The following TBCK variants were observed in gnomAD, a reference collection of about 807,000 sequenced individuals.
TBCK encodes TBC domain-containing protein kinase-like protein.
TBCK carries 99 observed loss-of-function variants against 113.4 expected under a neutral mutation model. That is an observed-to-expected ratio of 0.87 (90% confidence interval 0.74 to 1.03). TBCK has a LOEUF of 1.03. Ranked by LOEUF, TBCK falls within the 50% of genes least tolerant of loss-of-function variation. The probability of loss-of-function intolerance (pLI) is 0.00; values close to 1 mark genes in which losing one functional copy is unlikely to be tolerated. For synonymous variants in TBCK, 369 were observed against 370.8 expected (o/e 1.00, Z 0.05); for missense variants, 1,045 against 1,061.3 (o/e 0.98, Z 0.21).
chr4:106,242,428 A>G (rs1439900169), intron 12 of TBCK, 42 bp downstream of exon 12: 4 of 1,473,342 alleles, frequency 2.7e-6, no homozygotes, highest in Non-Finnish European at 3.7e-6. Flanking sequence ...TTTTAATTAA[A>G]GAAAAAAACC....
At chr4:106,142,421 T>A (rs916718785) in intron 23 of TBCK, among the ~76,000 whole-genome samples, 1 of 152,206 alleles carries the variant, frequency 6.6e-6, no homozygotes, top group East Asian at 1.9e-4. Context: ...ACAAAGCAGG[T>A]TGACAAACTG....
chr4:106,167,987 A>G (rs931175181), intron 23 of TBCK, among the ~76,000 whole-genome samples: 4 of 151,860 alleles, frequency 2.6e-5, no homozygotes, highest in African/African-American at 9.7e-5. Flanking sequence ...CAAAACGAAT[A>G]TGTCCTAACT....
intron 3 of TBCK, among the ~76,000 whole-genome samples, chr4:106,288,318 T>A (rs1765326894): frequency 6.6e-6 from 1 of 151,716 alleles, no homozygotes; most frequent in Non-Finnish European, 1.5e-5. Flanking sequence ...CACTTGAACC[T>A]GGGAGGTGAA....
chr4:106,117,742 G>A (rs1438124042), intron 23 of TBCK, among the ~76,000 whole-genome samples: 1 of 152,150 alleles, frequency 6.6e-6, no homozygotes, highest in African/African-American at 2.4e-5. Flanking sequence ...GGGCGCGGTG[G>A]CTCACACCTG....
intron 1 of TBCK, among the ~76,000 whole-genome samples, chr4:106,313,442 T>C (rs1768403313): frequency 6.6e-6 from 1 of 152,174 alleles, no homozygotes. Context: ...CTTTTGATTC[T>C]ATATACAGCC....
intron 3 of TBCK, 52 bp downstream of exon 3, chr4:106,295,042 T>G (rs373092561): frequency 6.7e-7 from 1 of 1,488,066 alleles, no homozygotes; most frequent in Admixed American, 2.0e-5. Context: ...AAAATGCCTT[T>G]TTGTTTGCCA....
At chr4:106,313,063 GT>G (rs1262321099) in intron 1 of TBCK, among the ~76,000 whole-genome samples, 2 of 152,110 alleles carry the variant, frequency 1.3e-5, no homozygotes, top group Non-Finnish European at 2.9e-5. Flanking sequence ...AAATCAATGT[GT>G]TTTAATATGT....
intron 23 of TBCK, among the ~76,000 whole-genome samples, chr4:106,134,239 C>G (rs1046281468): frequency 1.3e-5 from 2 of 151,616 alleles, no homozygotes; most frequent in Admixed American, 1.3e-4. Flanking sequence ...TAGAAACATG[C>G]TAATGACCAC....
intron 25 of TBCK, among the ~76,000 whole-genome samples, chr4:106,073,410 G>A (rs887976012): frequency 2.0e-5 from 3 of 152,174 alleles, no homozygotes; most frequent in African/African-American, 7.2e-5. Context: ...CTGTTTGCCT[G>A]GGTATCACCA....
intron 22 of TBCK, among the ~76,000 whole-genome samples, chr4:106,179,612 T>C (rs895333820): frequency 6.6e-6 from 1 of 152,108 alleles, no homozygotes; most frequent in Non-Finnish European, 1.5e-5. Context: ...TAAAAATAAA[T>C]TTGATATAAT....
chr4:106,129,969 C>T (rs1289796241), intron 23 of TBCK, among the ~76,000 whole-genome samples: 1 of 152,196 alleles, frequency 6.6e-6, no homozygotes, highest in African/African-American at 2.4e-5. Flanking sequence ...CACTGTGCTT[C>T]TGAAGACAGT....
At chr4:106,314,471 GA>G (rs945982940) in intron 1 of TBCK, among the ~76,000 whole-genome samples, 10 of 151,956 alleles carry the variant, frequency 6.6e-5, no homozygotes, top group Non-Finnish European at 1.3e-4. Context: ...TCAACAAAAA[GA>G]ATTAACAGTT....
chr4:106,246,694 G>A (rs984589441), intron 10 of TBCK, among the ~76,000 whole-genome samples: 1 of 152,072 alleles, frequency 6.6e-6, no homozygotes, highest in Non-Finnish European at 1.5e-5. Context: ...GAATGCTTCT[G>A]TTAACTTTAA....
chr4:106,056,841 T>C (rs1174891919), intron 25 of TBCK, among the ~76,000 whole-genome samples: 1 of 151,780 alleles, frequency 6.6e-6, no homozygotes, highest in Non-Finnish European at 1.5e-5. Context: ...CAATGTGTAC[T>C]ATTTAAAATT....
chr4:106,225,797 G>C (rs961636037), intron 19 of TBCK, among the ~76,000 whole-genome samples: 2 of 151,832 alleles, frequency 1.3e-5, no homozygotes, highest in Non-Finnish European at 2.9e-5. Context: ...TTCATGTTGT[G>C]TACACTACAG....
At position 106,197,110 on chromosome 4, in the gene TBCK, C is replaced by T. The variant is rs550613464; in HGVS notation, c.1861-2356G>A. 3.9e-5 allele frequency among the ~76,000 whole-genome samples: 6 copies of T among 152,020 alleles called. No individual in the cohort carries two copies. The East Asian group carries it at 7.7e-4, about 20-fold the overall frequency. On this transcript the variant is annotated intron_variant, in intron 20 of 25. Transcript: ENST00000394708. ...ACAAATGAAATGAACCCTAAAATTG[C>T]CCAATTTACTGCATGCAAAGAAGTT... is the stretch of plus-strand genomic sequence containing the variant.
intron 23 of TBCK, among the ~76,000 whole-genome samples, chr4:106,120,366 C>T (rs1744158916): frequency 6.6e-6 from 1 of 152,094 alleles, no homozygotes; most frequent in African/African-American, 2.4e-5. Context: ...GATCAAACTG[C>T]AAGGCGGCAG....
intron 23 of TBCK, among the ~76,000 whole-genome samples, chr4:106,119,565 A>C (rs1329693548): frequency 2.0e-5 from 3 of 152,226 alleles, no homozygotes; most frequent in Non-Finnish European, 4.4e-5. Flanking sequence ...AGCTACTAGG[A>C]GAAAACATTG....
rs1178392843 is a variant in TBCK, at chr4:106,252,005, T to C, written c.458A>G (p.Tyr153Cys). 1.9e-6 allele frequency: 3 copies of C among 1,599,326 alleles called. No homozygotes were observed. The Admixed American group carries it at 5.2e-5, about 28-fold the overall frequency. ...HGDDVDFPIGYPSYLAPEVIA... is the reference protein window; with the variant it reads ...HGDDVDFPIGCPSYLAPEVIA... The stretch of plus-strand genomic sequence containing the variant: ...TACCTCAGGGGCCAAGTACGAGGGA[T>C]ACCTGTAATGATACATTAAAATAAT... The change falls in exon 6 of 26, where the codon TAT becomes TGT. Residue 153 changes from tyrosine to cysteine, a missense_variant and splice_region_variant. By Grantham distance (194) the Tyr-to-Cys change is radical. Coordinates refer to ENST00000394708, the MANE Select transcript of TBCK (RefSeq NM_001163435.3).
Sources: allele counts gnomAD v4.1 joint callset (sites outside exome capture counted in the v4.1 genomes callset), GRCh38; gene constraint gnomAD v4.1.1; transcripts MANE v1.5; gene names NCBI Gene and HGNC (gene_info 2026-07-23, HGNC 2026-07-21).